The following DPP6 variants were observed in gnomAD, a reference collection of about 807,000 sequenced individuals.
DPP6 encodes A-type potassium channel modulatory protein DPP6.
Under a neutral mutation model 122.6 loss-of-function variants are expected in DPP6, and 69 were observed. The observed-to-expected ratio is 0.56, with a 90% CI of 0.46 to 0.69. The LOEUF (loss-of-function observed/expected upper bound fraction) is 0.69, where lower values mean the gene tolerates loss of function less well. DPP6 is among the 30% of genes least tolerant of loss of function. The probability of loss-of-function intolerance (pLI) is 0.00; values close to 1 mark genes in which losing one functional copy is unlikely to be tolerated. For synonymous variants in DPP6, 418 were observed against 433.1 expected (o/e 0.97, Z 0.43); for missense variants, 928 against 1,116.9 (o/e 0.83, Z 2.41).
At chr7:153,843,003 TACAC>T in the DPP6 span, among the ~76,000 whole-genome samples, 17 of 151,854 alleles carry the variant, frequency 1.1e-4, no homozygotes, top group South Asian at 2.1e-4. Flanking sequence ...TGCACGCACA[TACAC>T]ACATACACAC....
At chr7:154,886,101 TC>T (rs1485276812) in intron 22 of DPP6, among the ~76,000 whole-genome samples, 5 of 152,148 alleles carry the variant, frequency 3.3e-5, no homozygotes, top group African/African-American at 1.2e-4. Context: ...CCTTCTCTGC[TC>T]CCAGAAGAAT....
chr7:153,885,780 A>G (rs1376547520), upstream of DPP6, among the ~76,000 whole-genome samples: 1 of 152,090 alleles, frequency 6.6e-6, no homozygotes, highest in Non-Finnish European at 1.5e-5. Flanking sequence ...GCTTTGGTTT[A>G]CCTATTTCTT....
chr7:154,300,181 C>G (rs1475106317), intron 1 of DPP6, among the ~76,000 whole-genome samples: 1 of 152,234 alleles, frequency 6.6e-6, no homozygotes, highest in African/African-American at 2.4e-5. Flanking sequence ...CCCGGGTTGG[C>G]AGGTGGGCCT....
At chr7:153,905,005 G>A (rs768574374) in intron 1 of DPP6, among the ~76,000 whole-genome samples, 1 of 152,234 alleles carries the variant, frequency 6.6e-6, no homozygotes, top group East Asian at 1.9e-4. Flanking sequence ...GGCACAAAGG[G>A]TCTGATCTAA....
At chr7:154,493,730 T>C (rs1332158485) in intron 3 of DPP6, among the ~76,000 whole-genome samples, 1 of 152,216 alleles carries the variant, frequency 6.6e-6, no homozygotes, top group Non-Finnish European at 1.5e-5. Flanking sequence ...AAGTTGTGAA[T>C]TTTTAAAGAA....
chr7:154,556,951 C>T (rs980722913), intron 4 of DPP6, among the ~76,000 whole-genome samples: 3 of 152,248 alleles, frequency 2.0e-5, no homozygotes, highest in South Asian at 4.1e-4. Flanking sequence ...ACTATTGGCA[C>T]TTGGTGAGAA....
rs114925102 is a variant in DPP6, at chr7:154,241,407, G to C, written c.243+188344G>C. Among the ~76,000 whole-genome samples the C allele has an allele frequency of 3.8e-3, 575 of 152,108 alleles. 2 individuals are homozygous for C. Among genetic ancestry groups the C allele is most frequent in the African/African-American group, 0.013 (548 of 41,494 alleles). ...AGATCCCATTCTGGCAGGTCATGGT[G>C]ACTCACACCTGGCGTGGAGGTGAGC... is the stretch of plus-strand genomic sequence containing the variant. On this transcript the variant is annotated intron_variant, in intron 1 of 25. Transcript: ENST00000377770. The surrounding 1 kb of genome is among the most constrained non-coding windows in gnomAD (Gnocchi z 9.0).
At chr7:154,257,726 A>G (rs1239198335) in intron 1 of DPP6, among the ~76,000 whole-genome samples, 2 of 152,150 alleles carry the variant, frequency 1.3e-5, no homozygotes, top group African/African-American at 4.8e-5. Context: ...TAAATAATAA[A>G]CAGAATATGC....
At chr7:154,812,208 T>TA (rs541720850) in intron 16 of DPP6, among the ~76,000 whole-genome samples, 71 of 152,338 alleles carry the variant, frequency 4.7e-4, no homozygotes, top group Admixed American at 4.2e-3. Context: ...GGGCTGGGTA[T>TA]AAAATCATGA....
chr7:154,330,111 A>G (rs1230818421), intron 1 of DPP6, among the ~76,000 whole-genome samples: 2 of 152,240 alleles, frequency 1.3e-5, no homozygotes, highest in Non-Finnish European at 1.5e-5. Context: ...TGATGGGTTG[A>G]TAGGTGCAGC....
chr7:154,149,957 T>C (rs962316838), intron 1 of DPP6, among the ~76,000 whole-genome samples: 2 of 152,116 alleles, frequency 1.3e-5, no homozygotes, highest in African/African-American at 4.8e-5. Flanking sequence ...AAGGCGGCTC[T>C]TTTTTTCTCA....
chr7:154,412,830 G>A (rs1816724219), intron 1 of DPP6, among the ~76,000 whole-genome samples: 1 of 152,206 alleles, frequency 6.6e-6, no homozygotes, highest in South Asian at 2.1e-4. Context: ...GCAGGTGAGT[G>A]CTTGTGCATG....
At chr7:153,812,946 A>G in the DPP6 span, among the ~76,000 whole-genome samples, 1 of 152,202 alleles carries the variant, frequency 6.6e-6, no homozygotes, top group Admixed American at 6.5e-5. Context: ...ACTAGATTTT[A>G]ACGGTAATGA....
chr7:154,446,988 G>A (rs1407652940), intron 2 of DPP6, among the ~76,000 whole-genome samples: 3 of 152,168 alleles, frequency 2.0e-5, no homozygotes, highest in Non-Finnish European at 2.9e-5. Context: ...GGATTAGGGA[G>A]AGAAGAAAGC....
chr7:154,850,318 G>A (rs1584889446), intron 16 of DPP6, among the ~76,000 whole-genome samples: 1 of 151,778 alleles, frequency 6.6e-6, no homozygotes, highest in African/African-American at 2.4e-5. Context: ...TCCTTTTAAT[G>A]TACCATTGAA....
chr7:154,231,297 G>A (rs989555771), intron 1 of DPP6, among the ~76,000 whole-genome samples: 6 of 152,188 alleles, frequency 3.9e-5, no homozygotes, highest in Admixed American at 1.3e-4. Flanking sequence ...ATGAGAGGAG[G>A]CTGAGAAATA....
chr7:154,868,103 A>G lies in DPP6; in HGVS notation c.1813+10A>G, dbSNP rs1244200747. On this transcript the variant is annotated intron_variant, in intron 18 of 25. Transcript: ENST00000377770. Reference sequence around the variant, plus strand: ...GAGATTGATGATTACAGTAAGTACTACGTTTTTCCCCTCTAAAAGAAAAAG... The same window carrying G: ...GAGATTGATGATTACAGTAAGTACTGCGTTTTTCCCCTCTAAAAGAAAAAG... The G allele has an allele frequency of 5.6e-6, 9 of 1,594,092 alleles. No homozygotes were observed. Among genetic ancestry groups the G allele is most frequent in the Non-Finnish European group, 7.7e-6 (9 of 1,170,214 alleles).
At chr7:153,995,608 A>AAG (rs397935006) in intron 1 of DPP6, among the ~76,000 whole-genome samples, 4 of 151,388 alleles carry the variant, frequency 2.6e-5, no homozygotes, top group African/African-American at 7.3e-5. Flanking sequence ...AAAAAAAAAA[A>AAG]GAATGAAGAA....
the DPP6 span, among the ~76,000 whole-genome samples, chr7:153,780,338 G>C: frequency 2.6e-5 from 4 of 152,122 alleles, no homozygotes; most frequent in Non-Finnish European, 5.9e-5. Context: ...TAAATAGTTT[G>C]AGAAAGGCTT....
Sources: gnomAD v4.1 joint callset for allele counts (sites outside exome capture counted in the v4.1 genomes callset) on GRCh38, gnomAD v4.1.1 for gene constraint, Gnocchi (gnomAD v3.1) non-coding constraint, MANE v1.5 for transcripts, NCBI Gene and HGNC (gene_info 2026-07-23, HGNC 2026-07-21) for gene names.